Variants in TCF12 observed in about 807,000 individuals in gnomAD.
TCF12 encodes transcription factor 12.
A neutral mutation model predicts 86.0 loss-of-function variants in TCF12; 45 were observed. That is an observed-to-expected ratio of 0.52 (90% confidence interval 0.41 to 0.67). The LOEUF (loss-of-function observed/expected upper bound fraction) is 0.67, where lower values mean the gene tolerates loss of function less well. TCF12 is among the 30% of genes least tolerant of loss of function. The pLI, the probability that TCF12 is intolerant of heterozygous loss-of-function variation, is 0.00. For missense variants in TCF12, 881 were observed against 859.9 expected (o/e 1.02, Z -0.31); for synonymous variants, 330 against 299.6 (o/e 1.10, Z -1.05).
chr15:57,102,194 A>T (rs555603402), intron 5 of TCF12, among the ~76,000 whole-genome samples: 47 of 152,296 alleles, frequency 3.1e-4, no homozygotes, highest in African/African-American at 1.1e-3. Flanking sequence ...TAAAAATAAC[A>T]GTTGGTGGCC....
intron 3 of TCF12, among the ~76,000 whole-genome samples, chr15:57,037,382 A>G (rs1351288303): frequency 1.3e-5 from 2 of 152,182 alleles, no homozygotes; most frequent in Non-Finnish European, 2.9e-5. Flanking sequence ...CAGAGGTTAC[A>G]GTGAGCCGAG....
rs2061972077 is a variant in TCF12, at chr15:57,287,542, A to C, written c.*1397A>C. ...CCTTAGGAGTTGTTTTAAAAGACAT[A>C]ATCACTTTGAACTTCCATGAAACCT... is the stretch of plus-strand genomic sequence containing the variant. On this transcript the variant is annotated 3_prime_UTR_variant, in exon 21 of 21. Transcript: ENST00000333725. The C allele has an allele frequency of 6.6e-6, 1 of 152,620 alleles. No homozygotes were observed. Among genetic ancestry groups the C allele is most frequent in the Admixed American group, 6.5e-5 (1 of 15,280 alleles). 9.5% of individuals were successfully genotyped at this position (152,620 alleles called of 1,614,324 possible).
At chr15:57,119,213 C>T (rs1001629166) in intron 5 of TCF12, among the ~76,000 whole-genome samples, 2 of 152,118 alleles carry the variant, frequency 1.3e-5, no homozygotes, top group African/African-American at 2.4e-5. Context: ...CTGCCTCAGC[C>T]TCCTGAGTAG....
At chr15:56,982,421 A>C (rs2062938621) in intron 3 of TCF12, among the ~76,000 whole-genome samples, 1 of 152,210 alleles carries the variant, frequency 6.6e-6, no homozygotes, top group Non-Finnish European at 1.5e-5. Context: ...GATGGTGATT[A>C]CATGTAATAC....
chr15:57,290,343 A>G (rs78766957), downstream of TCF12, among the ~76,000 whole-genome samples: 29 of 1,196 alleles, frequency 0.024, no homozygotes, highest in Non-Finnish European at 0.063. Context: ...AACTGTCTCA[A>G]AAAAAAAAAA....
chr15:57,177,608 C>CAGAGAGAGAGAGAG (rs11270421), intron 6 of TCF12, among the ~76,000 whole-genome samples: 18,634 of 122,824 alleles, frequency 0.15, 2,361 homozygotes, highest in South Asian at 0.19. Context: ...GTTAAAAGGC[C>CAGAGAGAGAGAGAG]AGAGAGAGAG....
At chr15:56,941,299 C>T (rs1178462811) in intron 3 of TCF12, among the ~76,000 whole-genome samples, 2 of 151,844 alleles carry the variant, frequency 1.3e-5, no homozygotes, top group Non-Finnish European at 2.9e-5. Context: ...CCAGGAAAAT[C>T]AAGGCTGCAG....
At chr15:57,051,141 A>G (rs1260942674) in intron 3 of TCF12, among the ~76,000 whole-genome samples, 2 of 152,120 alleles carry the variant, frequency 1.3e-5, no homozygotes, top group Non-Finnish European at 2.9e-5. Context: ...TAGTTAAATT[A>G]TTGGTTGATT....
chr15:57,251,296 T>G, intron 13 of TCF12, 54 bp from the exon 14 acceptor site: 1 of 1,455,244 alleles, frequency 6.9e-7, no homozygotes, highest in Non-Finnish European at 9.6e-7. Context: ...CTTCACAACA[T>G]TATCAAGATC....
intron 8 of TCF12, chr15:57,219,670 C>T: frequency 7.8e-7 from 1 of 1,285,654 alleles, no homozygotes; most frequent in South Asian, 1.4e-5. Flanking sequence ...TTACTAAAAT[C>T]TGTGAGGTTT....
At chr15:57,204,477 G>T (rs1393556446) in intron 8 of TCF12, among the ~76,000 whole-genome samples, 1 of 151,928 alleles carries the variant, frequency 6.6e-6, no homozygotes. Flanking sequence ...AAAAAGAAAA[G>T]AGGTAAGAAA....
intron 3 of TCF12, among the ~76,000 whole-genome samples, chr15:56,963,184 T>C (rs1431849082): frequency 6.6e-6 from 1 of 152,128 alleles, no homozygotes; most frequent in Non-Finnish European, 1.5e-5. Context: ...TGGTATTTTG[T>C]GTTAACTTGA....
At chr15:57,100,567 C>A (rs2049668016) in intron 5 of TCF12, among the ~76,000 whole-genome samples, 1 of 151,878 alleles carries the variant, frequency 6.6e-6, no homozygotes, top group African/African-American at 2.4e-5. Flanking sequence ...CTAGCCCAGA[C>A]TAACTTCTTA....
intron 13 of TCF12, chr15:57,248,042 T>C (rs1449975000): frequency 1.4e-6 from 1 of 703,968 alleles, no homozygotes; most frequent in Non-Finnish European, 2.6e-6. Flanking sequence ...TTTACCTCCA[T>C]TTTGAGACCA....
intron 4 of TCF12, 49 bp downstream of exon 4, chr15:57,063,872 C>T (rs766196960): frequency 4.1e-5 from 59 of 1,422,770 alleles, no homozygotes; most frequent in Non-Finnish European, 4.7e-5. Context: ...TGGCAGACTA[C>T]GTAATTTCTT....
intron 3 of TCF12, among the ~76,000 whole-genome samples, chr15:56,969,855 T>C (rs2062199799): frequency 6.6e-6 from 1 of 152,112 alleles, no homozygotes; most frequent in African/African-American, 2.4e-5. Flanking sequence ...GAAGACGAGA[T>C]CAGAAGACTG....
chr15:56,947,536 G>A (rs1403778323), intron 3 of TCF12, among the ~76,000 whole-genome samples: 1 of 152,144 alleles, frequency 6.6e-6, no homozygotes, highest in Non-Finnish European at 1.5e-5. Flanking sequence ...TAGGAAATCA[G>A]GATGATGGTA....
intron 12 of TCF12, 152 bp downstream of exon 12, chr15:57,234,259 A>G (rs767724163): frequency 3.2e-6 from 2 of 630,766 alleles, no homozygotes; most frequent in African/African-American, 1.8e-5. Flanking sequence ...GTATTGATAT[A>G]TGCCCTTAAA....
At chr15:57,254,795 C>CTGCAG (rs1353736494) in intron 16 of TCF12, among the ~76,000 whole-genome samples, 1 of 131,128 alleles carries the variant, frequency 7.6e-6, no homozygotes, top group Non-Finnish European at 1.7e-5. Flanking sequence ...GAGGTCAAGG[C>CTGCAG]TGCAGTGAGC....
Sources: allele counts gnomAD v4.1 joint callset (sites outside exome capture counted in the v4.1 genomes callset), GRCh38; gene constraint gnomAD v4.1.1; transcripts MANE v1.5; gene names NCBI Gene and HGNC (gene_info 2026-07-23, HGNC 2026-07-21).